ZNF573: variants seen among roughly 807,000 people sequenced by gnomAD.
ZNF573 encodes zinc finger protein 573.
Under a neutral mutation model 57.4 loss-of-function variants are expected in ZNF573, and 41 were observed. The ratio of observed to expected loss-of-function variants is 0.71; its 90% CI spans 0.56 to 0.93. The LOEUF (loss-of-function observed/expected upper bound fraction) is 0.93, where lower values mean the gene tolerates loss of function less well. Among genes scored for constraint, ZNF573 ranks in the 40% least tolerant of loss-of-function variants. The pLI, the probability that ZNF573 is intolerant of heterozygous loss-of-function variation, is 0.00. For synonymous variants in ZNF573, 249 were observed against 261.0 expected, an observed-to-expected ratio of 0.95 and a Z score of 0.44; for missense variants, 730 against 794.8, an observed-to-expected ratio of 0.92 and a Z score of 0.98.
At chr19:37,754,010 G>A (rs189350248) in intron 4 of ZNF573, among the ~76,000 whole-genome samples, 26 of 152,150 alleles carry the variant, frequency 1.7e-4, no homozygotes, top group African/African-American at 2.2e-4. Flanking sequence ...ATCAACAGCC[G>A]GGAAATGGAG....
At position 37,739,338 on chromosome 19, in the gene ZNF573, T is replaced by C. The variant is rs771552582; in HGVS notation, c.1152A>G (p.Lys384=). ...TRHQNIHTGE[K]LFECKQCGKT... is the part of the protein sequence containing the mutation. The stretch of plus-strand genomic sequence containing the variant: ...TCCCACATTGCTTGCATTCAAAAAG[T>C]TTCTCACCAGTATGAATATTCTGAT... The change falls in exon 5 of 5, where the codon AAA becomes AAG. Residue 384 remains lysine (K), a synonymous_variant. Transcript: ENST00000536220. 9.3e-6 allele frequency: 15 copies of C among 1,614,044 alleles called. No individual in the cohort carries two copies. Among genetic ancestry groups the C allele is most frequent in the Non-Finnish European group, 1.3e-5 (15 of 1,180,002 alleles).
chr19:37,742,857 C>CA (rs774999455), intron 4 of ZNF573, among the ~76,000 whole-genome samples: 2 of 152,144 alleles, frequency 1.3e-5, no homozygotes, highest in Non-Finnish European at 2.9e-5. Flanking sequence ...ACCTTCTGCA[C>CA]AGGAAAAGAA....
At chr19:37,765,857 G>A (rs1317623681) in intron 4 of ZNF573, among the ~76,000 whole-genome samples, 1 of 151,824 alleles carries the variant, frequency 6.6e-6, no homozygotes, top group Non-Finnish European at 1.5e-5. Flanking sequence ...TGGCCGACAT[G>A]GCAAAACCCT....
At chr19:37,747,509 TG>T (rs2045392718) in intron 4 of ZNF573, among the ~76,000 whole-genome samples, 1 of 152,216 alleles carries the variant, frequency 6.6e-6, no homozygotes, top group Non-Finnish European at 1.5e-5. Context: ...TCCACTTCTA[TG>T]TACCTGCTCC....
chr19:37,748,835 G>C (rs771702749), intron 4 of ZNF573, among the ~76,000 whole-genome samples: 16 of 151,116 alleles, frequency 1.1e-4, no homozygotes, highest in Non-Finnish European at 1.9e-4. Flanking sequence ...GCTGAGGCAG[G>C]AGAATCGCTT....
intron 4 of ZNF573, among the ~76,000 whole-genome samples, chr19:37,748,510 T>G (rs1227517871): frequency 6.6e-6 from 1 of 152,162 alleles, no homozygotes; most frequent in Non-Finnish European, 1.5e-5. Flanking sequence ...ATGTTTAATC[T>G]TACTCTAATC....
chr19:37,751,959 C>A (rs2045441051), intron 4 of ZNF573, among the ~76,000 whole-genome samples: 1 of 111,014 alleles, frequency 9.0e-6, no homozygotes, highest in Non-Finnish European at 1.9e-5. Context: ...TACATAGTAT[C>A]GTATATATAC....
intron 4 of ZNF573, among the ~76,000 whole-genome samples, chr19:37,759,944 G>A (rs993927550): frequency 2.0e-5 from 3 of 152,186 alleles, no homozygotes; most frequent in Non-Finnish European, 2.9e-5. Flanking sequence ...TGGACAAGAT[G>A]AAATGGAGAA....
intron 1 of ZNF573, among the ~76,000 whole-genome samples, chr19:37,774,265 G>C (rs2045687291): frequency 6.7e-6 from 1 of 149,486 alleles, no homozygotes; most frequent in Non-Finnish European, 1.5e-5. Context: ...AGCCACCCAA[G>C]TAGCTGGGAC....
At chr19:37,754,291 G>A (rs1233797356) in intron 4 of ZNF573, among the ~76,000 whole-genome samples, 1 of 152,130 alleles carries the variant, frequency 6.6e-6, no homozygotes, top group African/African-American at 2.4e-5. Context: ...GGAGGCCGAG[G>A]TGGGTGGATC....
intron 4 of ZNF573, among the ~76,000 whole-genome samples, chr19:37,757,525 A>G (rs987579765): frequency 1.3e-5 from 2 of 152,148 alleles, no homozygotes; most frequent in Non-Finnish European, 2.9e-5. Flanking sequence ...TCATAGACTC[A>G]GCCCCATCCC....
chr19:37,744,116 T>A (rs1000875519), intron 4 of ZNF573, among the ~76,000 whole-genome samples: 1 of 150,036 alleles, frequency 6.7e-6, no homozygotes, highest in East Asian at 1.9e-4. Context: ...GTTTTTTTTT[T>A]AGAAGAAAGG....
Position 37,738,517 on chromosome 19 carries a change from C to A in ZNF573, c.1973G>T (p.Arg658Ile), listed in dbSNP as rs1053588251. The change falls in exon 5 of 5, where the codon AGA becomes ATA. Residue 658 changes from arginine to isoleucine, a missense_variant. Transcript: ENST00000536220. The stretch of plus-strand genomic sequence containing the variant: ...TTACACTTTTATGCTCCTATGAATT[C>A]TCTGATGGGCTTTAAGGGCTGAACC... Reference protein sequence around the residue: ...RYGSALKAHQRIHRSIKV With the variant: ...RYGSALKAHQIIHRSIKV 2.6e-6 allele frequency: 4 copies of A among 1,541,216 alleles called. No homozygotes were observed. Among genetic ancestry groups the A allele is most frequent in the Admixed American group, 2.1e-5 (1 of 46,644 alleles).
Position 37,739,985 on chromosome 19 carries a change from T to C in ZNF573, c.505A>G (p.Lys169Glu), listed in dbSNP as rs756156500. 6.2e-7 allele frequency: 1 copy of C among 1,614,174 alleles called. No homozygotes were observed. Among genetic ancestry groups the C allele is most frequent in the Admixed American group, 1.7e-5 (1 of 60,018 alleles). ...AGTTGATAGCCACTACGAAAGTTCT[T>C]CCCACACTCTTTGCATTCATAGGGT... ...ERPYECKECG[K>E]NFRSGYQLTL... The change falls in exon 5 of 5, where the codon AAG becomes GAG. Residue 169 changes from lysine (K) to glutamate (E), a missense_variant. Physicochemically the swap from Lys to Glu is moderately conservative, Grantham distance 56. Coordinates refer to ENST00000536220, the MANE Select transcript of ZNF573 (RefSeq NM_001172690.2).
At position 37,771,546 on chromosome 19, in the gene ZNF573, T is replaced by C. The variant is rs1178916402; in HGVS notation, c.202+18A>G. Reference sequence around the variant, plus strand: ...ATCACAGATCACATTTTAAATTACTTGAGGCAAATAAACTTACCCAGTGAT... The same window carrying C: ...ATCACAGATCACATTTTAAATTACTCGAGGCAAATAAACTTACCCAGTGAT... On this transcript the variant is annotated intron_variant, in intron 3 of 4. Coordinates refer to ENST00000536220, the MANE Select transcript of ZNF573 (RefSeq NM_001172690.2). 33 of 1,608,168 alleles carry C rather than the reference T, an allele frequency of 2.1e-5. No individual in the cohort carries two copies. The highest frequency in any genetic ancestry group is 2.8e-5 in the Non-Finnish European group (33 of 1,177,418).
chr19:37,747,791 C>T (rs2045395521), intron 4 of ZNF573, among the ~76,000 whole-genome samples: 1 of 151,980 alleles, frequency 6.6e-6, no homozygotes, highest in Non-Finnish European at 1.5e-5. Flanking sequence ...AGATTCACGC[C>T]ATTCTCCTGC....
intron 4 of ZNF573, among the ~76,000 whole-genome samples, chr19:37,761,690 TG>T (rs752074207): frequency 6.6e-6 from 1 of 152,186 alleles, no homozygotes; most frequent in Non-Finnish European, 1.5e-5. Flanking sequence ...AGACAGGCCT[TG>T]CTGGGTTTCC....
At position 37,740,100 on chromosome 19, in the gene ZNF573, T is replaced by C. The variant is rs1484633359; in HGVS notation, c.390A>G (p.Arg130=). 6.2e-6 allele frequency: 10 copies of C among 1,613,932 alleles called. No individual in the cohort carries two copies. The highest frequency in any genetic ancestry group is 7.6e-6 in the Non-Finnish European group (9 of 1,179,970). The change falls in exon 5 of 5, where the codon AGA becomes AGG. Residue 130 remains arginine, a synonymous_variant. Coordinates refer to ENST00000536220, the MANE Select transcript of ZNF573 (RefSeq NM_001172690.2). The stretch of plus-strand genomic sequence containing the variant: ...ATTTCTTACATTCATAGAGTTTCTC[T>C]CTCTTATATATGCTCTGAAGTTGTG... ...SSTQLQSIYK[R]EKLYECKKCQ...
At chr19:37,759,659 C>T (rs1391175012) in intron 4 of ZNF573, among the ~76,000 whole-genome samples, 1 of 151,962 alleles carries the variant, frequency 6.6e-6, no homozygotes, top group African/African-American at 2.4e-5. Context: ...ACCCGGGAGG[C>T]GGAGCTTGCA....
Sources: gnomAD v4.1 joint callset for allele counts (sites outside exome capture counted in the v4.1 genomes callset) on GRCh38, gnomAD v4.1.1 for gene constraint, MANE v1.5 for transcripts, NCBI Gene and HGNC (gene_info 2026-07-23, HGNC 2026-07-21) for gene names.